Variants in ARB2A observed in about 807,000 individuals in gnomAD.
ARB2A encodes cotranscriptional regulator ARB2A.
the ARB2A span, among the ~76,000 whole-genome samples, chr5:93,960,081 GCC>G: frequency 0.036 from 1,395 of 39,066 alleles, 65 homozygotes; most frequent in African/African-American, 0.14. Flanking sequence ...AACTCTAGAT[GCC>G]CCCCCCCCCC....
the ARB2A span, among the ~76,000 whole-genome samples, chr5:93,765,273 C>T: frequency 3.9e-4 from 60 of 152,264 alleles, no homozygotes; most frequent in African/African-American, 1.2e-3. Flanking sequence ...TTGCAGACGA[C>T]GTGATTGTAT....
the ARB2A span, among the ~76,000 whole-genome samples, chr5:94,024,674 C>T: frequency 6.6e-6 from 1 of 151,908 alleles, no homozygotes; most frequent in African/African-American, 2.4e-5. Context: ...TAAAAGCACA[C>T]AAGACACAAA....
the ARB2A span, among the ~76,000 whole-genome samples, chr5:93,949,618 T>C: frequency 3.3e-5 from 5 of 151,994 alleles, no homozygotes; most frequent in South Asian, 8.3e-4. Context: ...GGGGTGTCCA[T>C]CACCTCAAGC....
the ARB2A span, among the ~76,000 whole-genome samples, chr5:93,640,623 C>CAT: frequency 5.6e-5 from 8 of 143,306 alleles, no homozygotes; most frequent in Non-Finnish European, 1.0e-4. Flanking sequence ...TACTTATATA[C>CAT]ATATGTGTGT....
At chr5:94,034,808 G>A in the ARB2A span, among the ~76,000 whole-genome samples, 2 of 152,258 alleles carry the variant, frequency 1.3e-5, no homozygotes, top group Non-Finnish European at 2.9e-5. Flanking sequence ...TTAGGAACCG[G>A]GCTGCACAGC....
chr5:94,020,289 T>A, the ARB2A span, among the ~76,000 whole-genome samples: 1 of 130,452 alleles, frequency 7.7e-6, no homozygotes, highest in Admixed American at 7.9e-5. Context: ...GGTAGGGGGC[T>A]GGGGAGGGAC....
At chr5:93,742,936 T>C in the ARB2A span, 2 of 152,238 alleles carry the variant, frequency 1.3e-5, no homozygotes, top group African/African-American at 4.8e-5. Context: ...TTTGAACTAG[T>C]TATCAATAAC....
the ARB2A span, among the ~76,000 whole-genome samples, chr5:93,986,142 C>A: frequency 6.6e-6 from 1 of 150,948 alleles, no homozygotes; most frequent in African/African-American, 2.4e-5. Flanking sequence ...GCGCCTCTGC[C>A]CGGCCGCCAC....
At chr5:93,740,662 T>C in the ARB2A span, 19 of 1,613,828 alleles carry the variant, frequency 1.2e-5, no homozygotes, top group Non-Finnish European at 1.6e-5. Flanking sequence ...GTGGGGGATA[T>C]CCACTGGGAG....
At chr5:93,751,811 T>C in the ARB2A span, among the ~76,000 whole-genome samples, 1 of 152,280 alleles carries the variant, frequency 6.6e-6, no homozygotes. Context: ...TTGCTGTCAG[T>C]CTGTTTATGA....
chr5:93,874,499 T>C, the ARB2A span, among the ~76,000 whole-genome samples: 3 of 152,148 alleles, frequency 2.0e-5, no homozygotes, highest in Non-Finnish European at 2.9e-5. Flanking sequence ...GGACAGAAGC[T>C]CAGTATGCCC....
chr5:94,062,649 G>C, the ARB2A span, among the ~76,000 whole-genome samples: 1 of 152,098 alleles, frequency 6.6e-6, no homozygotes, highest in Non-Finnish European at 1.5e-5. Flanking sequence ...CATGGCTCTA[G>C]AGAAGGAGCT....
the ARB2A span, among the ~76,000 whole-genome samples, chr5:93,644,915 T>A: frequency 6.6e-6 from 1 of 152,242 alleles, no homozygotes; most frequent in Non-Finnish European, 1.5e-5. Context: ...GCACCTTGAA[T>A]ATGGCTTGAG....
chr5:94,074,832 C>T, the ARB2A span: 24 of 1,055,302 alleles, frequency 2.3e-5, no homozygotes, highest in African/African-American at 3.2e-5. Context: ...ACGAGAACTT[C>T]CTTGATCCTC....
the ARB2A span, among the ~76,000 whole-genome samples, chr5:94,022,919 G>A: frequency 6.6e-6 from 1 of 152,198 alleles, no homozygotes; most frequent in African/African-American, 2.4e-5. Context: ...TTCTGCTTTT[G>A]TGAGGGATTT....
chr5:93,645,576 G>GAA, the ARB2A span, among the ~76,000 whole-genome samples: 22,003 of 89,928 alleles, frequency 0.24, 2,119 homozygotes, highest in Middle Eastern at 0.39. Flanking sequence ...CCGTCTCAAA[G>GAA]AAAAAAAAAA....
chr5:93,694,808 C>T, the ARB2A span, among the ~76,000 whole-genome samples: 1 of 152,104 alleles, frequency 6.6e-6, no homozygotes, highest in African/African-American at 2.4e-5. Flanking sequence ...GCTACAGTAA[C>T]CAAAACAGCA....
At chr5:93,849,489 C>A in the ARB2A span, among the ~76,000 whole-genome samples, 178 of 152,070 alleles carry the variant, frequency 1.2e-3, no homozygotes, top group African/African-American at 4.1e-3. Flanking sequence ...ACGCAGGATA[C>A]ATATCTTCTA....
the ARB2A span, among the ~76,000 whole-genome samples, chr5:94,041,002 C>T: frequency 2.6e-5 from 4 of 152,042 alleles, no homozygotes; most frequent in African/African-American, 7.2e-5. Context: ...TTACTAGGGC[C>T]GCTGAGGAAA....
Sources: allele counts gnomAD v4.1 joint callset (sites outside exome capture counted in the v4.1 genomes callset), GRCh38; gene constraint gnomAD v4.1.1; transcripts MANE v1.5; gene names NCBI Gene and HGNC (gene_info 2026-07-23, HGNC 2026-07-21).